Variants in ARHGEF3 observed in about 807,000 individuals in gnomAD.
ARHGEF3 encodes Rho guanine nucleotide exchange factor 3, also known as 59.8 kDA protein.
ARHGEF3 carries 28 observed loss-of-function variants against 63.2 expected under a neutral mutation model. The ratio of observed to expected loss-of-function variants is 0.44; its 90% CI spans 0.33 to 0.61. The LOEUF (loss-of-function observed/expected upper bound fraction) is 0.61. Among genes scored for constraint, ARHGEF3 ranks in the 20% least tolerant of loss-of-function variants. The probability of loss-of-function intolerance (pLI) is 0.03; values close to 1 mark genes in which losing one functional copy is unlikely to be tolerated. For missense variants in ARHGEF3, 533 were observed against 659.3 expected (o/e 0.81, Z 2.10); for synonymous variants, 266 against 254.2 (o/e 1.05, Z -0.44).
At chr3:56,961,411 T>C (rs1700273668) in intron 2 of ARHGEF3, among the ~76,000 whole-genome samples, 1 of 152,140 alleles carries the variant, frequency 6.6e-6, no homozygotes, top group African/African-American at 2.4e-5. Flanking sequence ...CCCAGATGTG[T>C]CTGACTCCAG....
intron 3 of ARHGEF3, among the ~76,000 whole-genome samples, chr3:56,948,486 G>C (rs1699632127): frequency 6.6e-6 from 1 of 152,182 alleles, no homozygotes; most frequent in African/African-American, 2.4e-5. Flanking sequence ...TACCATCACA[G>C]AATACTATAA....
intron 3 of ARHGEF3, among the ~76,000 whole-genome samples, chr3:56,897,427 G>A (rs1334036038): frequency 3.9e-5 from 6 of 152,158 alleles, no homozygotes; most frequent in Non-Finnish European, 7.3e-5. Context: ...CCAAGATCTG[G>A]GCACTAGTTA....
chr3:57,056,755 G>A (rs1269881133), intron 1 of ARHGEF3, among the ~76,000 whole-genome samples: 3 of 152,030 alleles, frequency 2.0e-5, no homozygotes, highest in Non-Finnish European at 4.4e-5. Flanking sequence ...TCAAACTCCC[G>A]GTCTCTGTTA....
intron 2 of ARHGEF3, among the ~76,000 whole-genome samples, chr3:57,020,889 G>A (rs557163012): frequency 6.6e-6 from 1 of 152,336 alleles, no homozygotes; most frequent in African/African-American, 2.4e-5. Context: ...AGAATCCTAA[G>A]TCTCTTAGTT....
At chr3:56,832,890 T>C (rs992123802) in intron 4 of ARHGEF3, among the ~76,000 whole-genome samples, 7 of 152,260 alleles carry the variant, frequency 4.6e-5, no homozygotes, top group African/African-American at 1.7e-4. Context: ...TATGACCTTT[T>C]GTTTCTCACT....
intron 4 of ARHGEF3, among the ~76,000 whole-genome samples, chr3:56,826,689 C>T (rs1375272475): frequency 1.3e-5 from 2 of 152,116 alleles, no homozygotes; most frequent in Admixed American, 1.3e-4. Context: ...TTTAGTTGCC[C>T]ACTCCTGAAC....
intron 4 of ARHGEF3, chr3:56,882,145 T>C: frequency 5.8e-6 from 4 of 692,010 alleles, no homozygotes; most frequent in South Asian, 4.4e-5. Flanking sequence ...AAAATGTTTT[T>C]CAGTTAAAAA....
chr3:56,757,676 T>C (rs959470564), intron 2 of ARHGEF3, among the ~76,000 whole-genome samples: 5 of 152,106 alleles, frequency 3.3e-5, no homozygotes. Flanking sequence ...TATTGTTGTT[T>C]CATGTTGACA....
intron 2 of ARHGEF3, among the ~76,000 whole-genome samples, chr3:57,008,929 C>T (rs1268601515): frequency 6.6e-6 from 1 of 152,220 alleles, no homozygotes; most frequent in Admixed American, 6.5e-5. Flanking sequence ...ATTTCAAAGT[C>T]CAGATGGCTC....
At chr3:56,898,867 T>C (rs71309986) in intron 3 of ARHGEF3, among the ~76,000 whole-genome samples, 10 of 151,998 alleles carry the variant, frequency 6.6e-5, no homozygotes, top group Admixed American at 5.9e-4. Flanking sequence ...CCATCCTGGC[T>C]AACATGGTGA....
chr3:56,951,575 C>T (rs1699814282), intron 3 of ARHGEF3, among the ~76,000 whole-genome samples: 1 of 151,866 alleles, frequency 6.6e-6, no homozygotes, highest in African/African-American at 2.4e-5. Context: ...GGAACTGAAC[C>T]AGCAATGTCT....
At chr3:57,023,946 G>A (rs1018097752) in intron 2 of ARHGEF3, among the ~76,000 whole-genome samples, 2 of 152,150 alleles carry the variant, frequency 1.3e-5, no homozygotes, top group East Asian at 1.9e-4. Context: ...CAACGCCCCC[G>A]GCACTGAGTA....
intron 3 of ARHGEF3, among the ~76,000 whole-genome samples, chr3:56,905,712 T>A (rs2041662110): frequency 6.6e-6 from 1 of 152,238 alleles, no homozygotes; most frequent in South Asian, 2.1e-4. Flanking sequence ...GTTCCCCTCC[T>A]CGAACAGCAT....
chr3:56,882,300 C>A, exon 4 of ARHGEF3: 2 of 1,551,600 alleles, frequency 1.3e-6, no homozygotes, highest in Non-Finnish European at 1.7e-6. Flanking sequence ...ACACTTATGT[C>A]GAGACTGCAA....
chr3:56,983,937 GA>G (rs11401240), intron 2 of ARHGEF3, among the ~76,000 whole-genome samples: 62 of 112,524 alleles, frequency 5.5e-4, no homozygotes, highest in Admixed American at 2.8e-3. Context: ...TCCGTCTCGA[GA>G]AAAAAAAAAA....
chr3:56,901,801 G>A (rs1414848869), intron 3 of ARHGEF3, among the ~76,000 whole-genome samples: 1 of 151,898 alleles, frequency 6.6e-6, no homozygotes, highest in African/African-American at 2.4e-5. Context: ...TGTTGCCCAG[G>A]CATGGCTGCA....
chr3:56,990,945 A>G (rs1701724334), intron 2 of ARHGEF3, among the ~76,000 whole-genome samples: 1 of 152,088 alleles, frequency 6.6e-6, no homozygotes, highest in South Asian at 2.1e-4. Flanking sequence ...GCTTTGCACA[A>G]TGAATTGCAC....
chr3:57,014,861 A>AT (rs987128738), intron 2 of ARHGEF3, among the ~76,000 whole-genome samples: 2 of 151,586 alleles, frequency 1.3e-5, no homozygotes, highest in African/African-American at 4.9e-5. Context: ...ATTTTTTTGT[A>AT]TTTTTACTAG....
rs191003954 is a variant in ARHGEF3 at position 56,732,997 on chromosome 3, A to G, written c.1042-573T>C. 7.2e-5 allele frequency among the ~76,000 whole-genome samples: 11 copies of G among 152,108 alleles called. No homozygotes were observed. The East Asian group carries it at 2.1e-3, about 29-fold the overall frequency. Reference sequence around the variant, plus strand: ...ACCCCGTCTCTATTAAAAATACAAAAACTAGGCCGGATGCAGTGACTCACG... The same window carrying G: ...ACCCCGTCTCTATTAAAAATACAAAGACTAGGCCGGATGCAGTGACTCACG... On this transcript the variant is annotated intron_variant, in intron 8 of 9. Transcript: ENST00000296315.
Sources: allele counts gnomAD v4.1 joint callset (sites outside exome capture counted in the v4.1 genomes callset), GRCh38; gene constraint gnomAD v4.1.1; transcripts MANE v1.5; gene names NCBI Gene and HGNC (gene_info 2026-07-23, HGNC 2026-07-21).